Variants in ARID3B observed in about 807,000 individuals in gnomAD.
ARID3B encodes the protein AT-rich interaction domain 3B.
ARID3B carries 10 observed loss-of-function variants against 51.9 expected under a neutral mutation model. The ratio of observed to expected loss-of-function variants is 0.19; its 90% CI spans 0.12 to 0.33. The LOEUF is 0.33. Among genes scored for constraint, ARID3B ranks in the 10% least tolerant of loss-of-function variants. ARID3B has a pLI of 1.00. For missense variants in ARID3B, 483 were observed against 716.3 expected, an observed-to-expected ratio of 0.67 and a Z score of 3.72; for synonymous variants, 205 against 279.5, an observed-to-expected ratio of 0.73 and a Z score of 2.66.
At chr15:74,556,616 T>C (rs1385432751) in intron 2 of ARID3B, among the ~76,000 whole-genome samples, 2 of 152,198 alleles carry the variant, frequency 1.3e-5, no homozygotes, top group Non-Finnish European at 2.9e-5. Flanking sequence ...ATTTTAGTTC[T>C]AATTTGTTTT....
At chr15:74,548,171 C>G (rs774727576) in intron 2 of ARID3B, among the ~76,000 whole-genome samples, 1 of 152,130 alleles carries the variant, frequency 6.6e-6, no homozygotes, top group Non-Finnish European at 1.5e-5. Flanking sequence ...CTGAGTGTTC[C>G]TTTTCTCAAA....
chr15:74,557,309 G>A (rs2061662335), intron 2 of ARID3B, among the ~76,000 whole-genome samples: 1 of 151,662 alleles, frequency 6.6e-6, no homozygotes, highest in South Asian at 2.1e-4. Flanking sequence ...CCAGCTACTT[G>A]GGAGGCTGAG....
chr15:74,568,192 G>T (rs901331822), intron 2 of ARID3B, among the ~76,000 whole-genome samples: 5 of 152,186 alleles, frequency 3.3e-5, no homozygotes, highest in African/African-American at 1.2e-4. Flanking sequence ...TGGCTAAAGT[G>T]CCCAGGTGAA....
intron 5 of ARID3B, among the ~76,000 whole-genome samples, chr15:74,590,444 TA>T (rs2141479620): frequency 6.6e-6 from 1 of 152,302 alleles, no homozygotes; most frequent in East Asian, 1.9e-4. Context: ...TCTTACCTGA[TA>T]TTCAGCTTAC....
chr15:74,584,833 CCAA>C (rs1484670528), intron 4 of ARID3B, among the ~76,000 whole-genome samples: 1 of 152,228 alleles, frequency 6.6e-6, no homozygotes, highest in East Asian at 1.9e-4. Context: ...GGCATTCCCA[CCAA>C]CAAGGGTTAA....
At chr15:74,576,673 C>A (rs961654912) in intron 4 of ARID3B, among the ~76,000 whole-genome samples, 1 of 151,594 alleles carries the variant, frequency 6.6e-6, no homozygotes, top group African/African-American at 2.4e-5. Flanking sequence ...AAAAAAAAAA[C>A]TTTTTATGAA....
At chr15:74,573,063 A>G in intron 3 of ARID3B, 69 bp from the exon 4 acceptor site, 1 of 1,594,870 alleles carries the variant, frequency 6.3e-7, no homozygotes, top group Non-Finnish European at 8.6e-7. Flanking sequence ...GTCATAGTAT[A>G]TCTGGTATAA....
chr15:74,594,139 C>G (rs1352086174), intron 8 of ARID3B, among the ~76,000 whole-genome samples: 1 of 152,146 alleles, frequency 6.6e-6, no homozygotes, highest in African/African-American at 2.4e-5. Flanking sequence ...TGGGAACAAG[C>G]CCACCTGACT....
At chr15:74,567,260 A>G (rs1277573326) in intron 2 of ARID3B, among the ~76,000 whole-genome samples, 2 of 152,132 alleles carry the variant, frequency 1.3e-5, no homozygotes, top group Non-Finnish European at 2.9e-5. Context: ...TTAGACTGCA[A>G]ATCTCCCTTC....
intron 8 of ARID3B, among the ~76,000 whole-genome samples, chr15:74,594,443 G>A (rs372344236): frequency 3.9e-5 from 6 of 151,926 alleles, no homozygotes; most frequent in East Asian, 1.9e-4. Context: ...GTGAGACTCC[G>A]TCTCAAAAAA....
At chr15:74,582,687 AC>A (rs1486375552) in intron 4 of ARID3B, among the ~76,000 whole-genome samples, 1 of 152,140 alleles carries the variant, frequency 6.6e-6, no homozygotes, top group Non-Finnish European at 1.5e-5. Context: ...CTAAAGCTAA[AC>A]ATACCTGGAC....
At chr15:74,559,025 A>G (rs969529060) in intron 2 of ARID3B, among the ~76,000 whole-genome samples, 2 of 152,094 alleles carry the variant, frequency 1.3e-5, no homozygotes, top group Non-Finnish European at 2.9e-5. Flanking sequence ...TTTTAGGCCC[A>G]GTTTATGGCG....
chr15:74,590,475 A>C (rs76091141), intron 5 of ARID3B, among the ~76,000 whole-genome samples: 2 of 152,194 alleles, frequency 1.3e-5, no homozygotes, highest in Non-Finnish European at 2.9e-5. Context: ...GAGGACCCAG[A>C]GAAAGGCAGG....
chr15:74,579,316 A>G (rs2061750440), intron 4 of ARID3B, among the ~76,000 whole-genome samples: 1 of 152,202 alleles, frequency 6.6e-6, no homozygotes, highest in Non-Finnish European at 1.5e-5. Context: ...CAACCTGCGC[A>G]TAAAGAAGCC....
chr15:74,555,884 C>G lies in ARID3B; in HGVS notation c.552+11396C>G, dbSNP rs564844167. 3.3e-5 allele frequency among the ~76,000 whole-genome samples: 5 copies of G among 151,126 alleles called. No homozygotes were observed. The East Asian group carries it at 9.7e-4, about 29-fold the overall frequency. On this transcript the variant is annotated intron_variant, in intron 2 of 8. Transcript: ENST00000346246. The stretch of plus-strand genomic sequence containing the variant: ...TCCGCTCACTGCAAGCTCCGCCTCC[C>G]AGGTTCATGCCATTCTCCTGCCTCA...
intron 2 of ARID3B, among the ~76,000 whole-genome samples, chr15:74,550,801 T>A (rs2141375617): frequency 6.6e-6 from 1 of 152,256 alleles, no homozygotes; most frequent in South Asian, 2.1e-4. Flanking sequence ...TCTGAACCCA[T>A]GCATCAATCT....
intron 8 of ARID3B, among the ~76,000 whole-genome samples, chr15:74,594,252 T>G (rs2061815192): frequency 6.6e-6 from 1 of 151,916 alleles, no homozygotes; most frequent in South Asian, 2.1e-4. Flanking sequence ...ATCGAGACCA[T>G]CCTGGCTAAC....
chr15:74,545,118 A>G (rs2061610852), intron 2 of ARID3B, among the ~76,000 whole-genome samples: 1 of 152,212 alleles, frequency 6.6e-6, no homozygotes, highest in Non-Finnish European at 1.5e-5. Context: ...ATGTGTGACT[A>G]ATTACAGCTT....
At chr15:74,572,005 A>G (rs536798025) in intron 2 of ARID3B, among the ~76,000 whole-genome samples, 2 of 152,182 alleles carry the variant, frequency 1.3e-5, no homozygotes, top group African/African-American at 4.8e-5. Context: ...GCTACTCAGG[A>G]GGTTGAGGCA....
Sources: allele counts gnomAD v4.1 joint callset (sites outside exome capture counted in the v4.1 genomes callset), GRCh38; gene constraint gnomAD v4.1.1; transcripts MANE v1.5; gene names NCBI Gene and HGNC (gene_info 2026-07-23, HGNC 2026-07-21).